Variants in ULK4 observed in about 807,000 individuals in gnomAD.
The protein encoded by ULK4 is inactive serine/threonine-protein kinase ULK4.
Under a neutral mutation model 160.6 loss-of-function variants are expected in ULK4, and 133 were observed. The ratio of observed to expected loss-of-function variants is 0.83; its 90% CI spans 0.72 to 0.96. The LOEUF (loss-of-function observed/expected upper bound fraction) is 0.96. Among genes scored for constraint, ULK4 ranks in the 40% least tolerant of loss-of-function variants. ULK4 has a pLI of 0.00. For synonymous variants in ULK4, 534 were observed against 539.8 expected, an observed-to-expected ratio of 0.99 and a Z score of 0.15; for missense variants, 1,580 against 1,499.5, an observed-to-expected ratio of 1.05 and a Z score of -0.89.
intron 17 of ULK4, among the ~76,000 whole-genome samples, chr3:41,847,683 C>T (rs895984085): frequency 6.6e-6 from 1 of 152,038 alleles, no homozygotes; most frequent in African/African-American, 2.4e-5. Context: ...ACAAACAGAG[C>T]TAGGGCACAT....
intron 19 of ULK4, among the ~76,000 whole-genome samples, chr3:41,813,656 A>C (rs906299442): frequency 5.3e-5 from 8 of 152,208 alleles, no homozygotes; most frequent in Non-Finnish European, 1.2e-4. Context: ...ATAAGAGCTA[A>C]AATGTACAGT....
At chr3:41,721,253 G>C (rs1047837641) in intron 22 of ULK4, among the ~76,000 whole-genome samples, 1 of 24,394 alleles carries the variant, frequency 4.1e-5, no homozygotes, top group East Asian at 1.5e-3. Context: ...TTTTCGCTTT[G>C]AATTTTTTTT....
chr3:41,747,936 A>G (rs2125889190), intron 22 of ULK4, among the ~76,000 whole-genome samples: 1 of 152,280 alleles, frequency 6.6e-6, no homozygotes, highest in East Asian at 1.9e-4. Context: ...GCCTGAGCAA[A>G]CTAACACAAG....
chr3:41,308,701 C>G (rs2079994357), intron 35 of ULK4, among the ~76,000 whole-genome samples: 1 of 152,098 alleles, frequency 6.6e-6, no homozygotes, highest in African/African-American at 2.4e-5. Context: ...CCAAAATGCT[C>G]CAAAATCTGA....
intron 31 of ULK4, among the ~76,000 whole-genome samples, chr3:41,570,767 G>A (rs2087945727): frequency 6.6e-6 from 1 of 152,112 alleles, no homozygotes; most frequent in Admixed American, 6.5e-5. Context: ...CAATACAAAA[G>A]CTAACTCACC....
At chr3:41,773,744 A>C (rs949299008) in intron 21 of ULK4, among the ~76,000 whole-genome samples, 1 of 152,186 alleles carries the variant, frequency 6.6e-6, no homozygotes, top group African/African-American at 2.4e-5. Flanking sequence ...ATGGAACCAA[A>C]AAAGAGCCGG....
intron 34 of ULK4, among the ~76,000 whole-genome samples, chr3:41,438,798 C>T (rs1011841044): frequency 6.6e-6 from 1 of 151,920 alleles, no homozygotes; most frequent in Non-Finnish European, 1.5e-5. Flanking sequence ...CCACTGCTCT[C>T]TAGCCTGGGC....
chr3:41,334,757 T>C (rs1037960463), intron 35 of ULK4, among the ~76,000 whole-genome samples: 2 of 152,212 alleles, frequency 1.3e-5, no homozygotes, highest in Non-Finnish European at 1.5e-5. Context: ...TTTTAATACA[T>C]GAAAACATAT....
chr3:41,464,107 T>C (rs184364127), intron 32 of ULK4, among the ~76,000 whole-genome samples: 178 of 152,210 alleles, frequency 1.2e-3, no homozygotes, highest in Non-Finnish European at 2.1e-3. Flanking sequence ...AAGCTATATT[T>C]TACTGGACCT....
At chr3:41,318,080 G>A (rs1373317904) in intron 35 of ULK4, among the ~76,000 whole-genome samples, 1 of 151,988 alleles carries the variant, frequency 6.6e-6, no homozygotes, top group African/African-American at 2.4e-5. Flanking sequence ...AAAGGCAAAA[G>A]TTGCTCTCAA....
chr3:41,705,816 A>G (rs540704496), intron 25 of ULK4, among the ~76,000 whole-genome samples: 2 of 152,310 alleles, frequency 1.3e-5, no homozygotes, highest in African/African-American at 4.8e-5. Context: ...AATAAAGTCA[A>G]TGTTAACATA....
At chr3:41,342,335 C>T (rs1018906715) in intron 35 of ULK4, among the ~76,000 whole-genome samples, 14 of 152,216 alleles carry the variant, frequency 9.2e-5, no homozygotes, top group Admixed American at 8.5e-4. Context: ...TAATCTAATG[C>T]TTCCATCTTG....
chr3:41,762,301 C>T (rs1249901550), intron 21 of ULK4, among the ~76,000 whole-genome samples: 1 of 152,080 alleles, frequency 6.6e-6, no homozygotes, highest in African/African-American at 2.4e-5. Context: ...CCCTTCCCAG[C>T]TCCTGTTACC....
chr3:41,277,763 G>GT, intron 35 of ULK4: 1 of 152,306 alleles, frequency 6.6e-6, no homozygotes, highest in East Asian at 1.9e-4. Flanking sequence ...TTGGTAAACA[G>GT]TAAGTTAAAC....
chr3:41,525,949 G>C (rs1005143570), intron 32 of ULK4, among the ~76,000 whole-genome samples: 2 of 152,116 alleles, frequency 1.3e-5, no homozygotes, highest in African/African-American at 4.8e-5. Flanking sequence ...ACCTCCCTGA[G>C]GATGCTTTCA....
chr3:41,498,071 G>A (rs1361678744), intron 32 of ULK4, among the ~76,000 whole-genome samples: 5 of 152,060 alleles, frequency 3.3e-5, no homozygotes, highest in African/African-American at 4.8e-5. Context: ...GATTTTTATA[G>A]ACTCCTATAG....
intron 31 of ULK4, among the ~76,000 whole-genome samples, chr3:41,595,501 G>T (rs1224279338): frequency 6.6e-6 from 1 of 152,210 alleles, no homozygotes; most frequent in Non-Finnish European, 1.5e-5. Context: ...CTTATGCAAA[G>T]TGTGTAGTTA....
intron 35 of ULK4, among the ~76,000 whole-genome samples, chr3:41,369,890 C>G (rs933772977): frequency 2.6e-5 from 4 of 151,714 alleles, no homozygotes; most frequent in African/African-American, 7.3e-5. Context: ...AAAACCTGCC[C>G]AGGCCAGGAA....
chr3:41,557,516 A>G (rs964311932), intron 32 of ULK4, among the ~76,000 whole-genome samples: 8 of 151,858 alleles, frequency 5.3e-5, no homozygotes, highest in African/African-American at 1.7e-4. Flanking sequence ...AATACCAACC[A>G]GTGCTTTGGA....
Sources: gnomAD v4.1 joint callset for allele counts (sites outside exome capture counted in the v4.1 genomes callset) on GRCh38, gnomAD v4.1.1 for gene constraint, MANE v1.5 for transcripts, NCBI Gene and HGNC (gene_info 2026-07-23, HGNC 2026-07-21) for gene names.